FRS2: variants seen among roughly 807,000 people sequenced by gnomAD.
The protein encoded by FRS2 is FGFR signalling adaptor.
Under a neutral mutation model 43.9 loss-of-function variants are expected in FRS2, and 8 were observed. The observed-to-expected ratio is 0.18, with a 90% CI of 0.11 to 0.33. The LOEUF (loss-of-function observed/expected upper bound fraction) is 0.33, where lower values mean the gene tolerates loss of function less well. Ranked by LOEUF, FRS2 falls within the 10% of genes least tolerant of loss-of-function variation. The probability of loss-of-function intolerance (pLI) is 1.00; values close to 1 mark genes in which losing one functional copy is unlikely to be tolerated. For missense variants in FRS2, 534 were observed against 627.6 expected (o/e 0.85, Z 1.59); for synonymous variants, 219 against 220.3 (o/e 0.99, Z 0.05).
At chr12:69,497,074 A>G (rs777210696) in intron 1 of FRS2, among the ~76,000 whole-genome samples, 1 of 152,200 alleles carries the variant, frequency 6.6e-6, no homozygotes, top group Non-Finnish European at 1.5e-5. Flanking sequence ...TCATACAACA[A>G]ATCTTTATTG....
Position 69,531,762 on chromosome 12 carries a change from A to G in FRS2, c.-164-252A>G, listed in dbSNP as rs377434321. Among the ~76,000 whole-genome samples the G allele has an allele frequency of 9.2e-5, 14 of 152,354 alleles. No homozygotes were observed. The East Asian group carries it at 1.5e-3, about 17-fold the overall frequency. On this transcript the variant is annotated intron_variant, in intron 2 of 8. Coordinates refer to ENST00000549921, the MANE Select transcript of FRS2 (RefSeq NM_001278356.2). Reference sequence around the variant, plus strand: ...TTTTAGAATATAAAAATTGCCACATATCATCAGGTACCTAGCAAAATGACT... The same window carrying G: ...TTTTAGAATATAAAAATTGCCACATGTCATCAGGTACCTAGCAAAATGACT...
chr12:69,551,275 C>T (rs1212542617), intron 3 of FRS2, among the ~76,000 whole-genome samples: 1 of 152,114 alleles, frequency 6.6e-6, no homozygotes, highest in Non-Finnish European at 1.5e-5. Flanking sequence ...ATCACTTGAG[C>T]CCAAGAGGTT....
chr12:69,532,964 T>G (rs966019222), intron 3 of FRS2, among the ~76,000 whole-genome samples: 9 of 152,256 alleles, frequency 5.9e-5, no homozygotes, highest in African/African-American at 2.2e-4. Context: ...ATAGTAATTT[T>G]CTTATTCTTA....
At chr12:69,492,731 TA>T (rs1565722830) in intron 1 of FRS2, among the ~76,000 whole-genome samples, 1 of 152,104 alleles carries the variant, frequency 6.6e-6, no homozygotes, top group Non-Finnish European at 1.5e-5. Context: ...AGCTCTAACT[TA>T]AAAGATAATG....
intron 3 of FRS2, among the ~76,000 whole-genome samples, chr12:69,546,242 C>T (rs1292124253): frequency 6.6e-6 from 1 of 152,088 alleles, no homozygotes; most frequent in African/African-American, 2.4e-5. Flanking sequence ...AGATACTACC[C>T]TCACACTCAT....
intron 4 of FRS2, among the ~76,000 whole-genome samples, chr12:69,568,346 C>T (rs747733006): frequency 4.3e-4 from 66 of 152,252 alleles, no homozygotes; most frequent in African/African-American, 1.4e-3. Context: ...TGAGTAACAA[C>T]AGTCAAAATA....
At chr12:69,573,132 C>T (rs765328793) in intron 8 of FRS2, among the ~76,000 whole-genome samples, 2 of 152,148 alleles carry the variant, frequency 1.3e-5, no homozygotes, top group Non-Finnish European at 2.9e-5. Context: ...TGTGCCCGAC[C>T]CTTGTAAATA....
chr12:69,557,511 G>A, intron 3 of FRS2, among the ~76,000 whole-genome samples: 1 of 151,876 alleles, frequency 6.6e-6, no homozygotes, highest in East Asian at 1.9e-4. Flanking sequence ...CATCCTTTTG[G>A]TGTTGCTAGA....
At chr12:69,555,025 A>G (rs994304655) in intron 3 of FRS2, among the ~76,000 whole-genome samples, 2 of 151,194 alleles carry the variant, frequency 1.3e-5, no homozygotes, top group African/African-American at 2.4e-5. Context: ...ATTTTTTTTA[A>G]TAATATTTTT....
Position 69,577,251 on chromosome 12 carries a change from A to G in FRS2, c.*2296A>G, listed in dbSNP as rs991721203. 1 of 152,176 alleles carries G rather than the reference A, an allele frequency of 6.6e-6. No homozygotes were observed. The highest frequency in any genetic ancestry group is 1.5e-5 in the Non-Finnish European group (1 of 68,012). The allele number at this position is 152,176 out of a possible 1,614,324, so 9.4% of individuals were successfully genotyped here. On this transcript the variant is annotated 3_prime_UTR_variant, in exon 9 of 9. Transcript: ENST00000549921. ...AATGGGACCAATTTGTCTGCTAAGA[A>G]TTTGATTTTAGGTACTATAAGAGTA...
intron 1 of FRS2, among the ~76,000 whole-genome samples, chr12:69,504,016 C>G (rs1873702900): frequency 6.6e-6 from 1 of 152,096 alleles, no homozygotes; most frequent in South Asian, 2.1e-4. Flanking sequence ...CCAGCCTGTC[C>G]AACAAGGTGA....
At chr12:69,569,881 C>T (rs895276997) in intron 5 of FRS2, among the ~76,000 whole-genome samples, 4 of 152,152 alleles carry the variant, frequency 2.6e-5, no homozygotes, top group African/African-American at 9.7e-5. Context: ...ATTTTGGTGT[C>T]TTTGAAAGGT....
chr12:69,573,259 A>C (rs1045914865), intron 8 of FRS2, among the ~76,000 whole-genome samples: 2 of 152,196 alleles, frequency 1.3e-5, no homozygotes, highest in African/African-American at 4.8e-5. Flanking sequence ...AATCTAGTGG[A>C]GTTAATCTTC....
At position 69,574,791 on chromosome 12, in the gene FRS2, A is replaced by G. The variant is rs1469676385; in HGVS notation, c.1363A>G (p.Thr455Ala). 1 of 1,613,912 alleles carries G rather than the reference A, an allele frequency of 6.2e-7. No individual in the cohort carries two copies. The highest frequency in any genetic ancestry group is 8.5e-7 in the Non-Finnish European group (1 of 1,180,010). Residue 455 changes from threonine to alanine, a missense_variant, in exon 9 of 9, where the codon ACG (threonine) becomes GCG (alanine). Transcript: ENST00000549921. ...SDSDNPQTPK[T>A]PTTPLPQTPT... ...CTCTGACAACCCTCAGACTCCAAAA[A>G]CGCCTACAACTCCCCTTCCACAAAC...
intron 3 of FRS2, among the ~76,000 whole-genome samples, chr12:69,551,327 T>C (rs1878852869): frequency 6.6e-6 from 1 of 152,196 alleles, no homozygotes; most frequent in Admixed American, 6.5e-5. Context: ...CACTGCAGCC[T>C]GGGCAATGGA....
chr12:69,532,169 G>A (rs1876865682), intron 3 of FRS2, 113 bp downstream of exon 3: 1 of 152,014 alleles, frequency 6.6e-6, no homozygotes, highest in East Asian at 1.9e-4. Flanking sequence ...TCTTTATTAT[G>A]GGATTCTCAC....
At chr12:69,490,512 A>G (rs1341047015) in intron 1 of FRS2, among the ~76,000 whole-genome samples, 1 of 144,282 alleles carries the variant, frequency 6.9e-6, no homozygotes, top group Non-Finnish European at 1.5e-5. Context: ...TGCCTTTTGG[A>G]TTCAAATGAT....
At chr12:69,551,842 G>A (rs1878898605) in intron 3 of FRS2, among the ~76,000 whole-genome samples, 1 of 152,092 alleles carries the variant, frequency 6.6e-6, no homozygotes, top group African/African-American at 2.4e-5. Context: ...TCTGTTATTT[G>A]TAATGTGTTG....
At chr12:69,482,709 T>G (rs528405819) in intron 1 of FRS2, among the ~76,000 whole-genome samples, 1 of 152,346 alleles carries the variant, frequency 6.6e-6, no homozygotes, top group African/African-American at 2.4e-5. Flanking sequence ...GTTGAAACTG[T>G]TTTCTGGCAA....
Sources: gnomAD v4.1 joint callset for allele counts (sites outside exome capture counted in the v4.1 genomes callset) on GRCh38, gnomAD v4.1.1 for gene constraint, MANE v1.5 for transcripts, NCBI Gene and HGNC (gene_info 2026-07-23, HGNC 2026-07-21) for gene names.